Variants in IL4 observed in about 807,000 individuals in gnomAD.
IL4 encodes interleukin-4.
A neutral mutation model predicts 17.4 loss-of-function variants in IL4; 10 were observed. That is an observed-to-expected ratio of 0.57 (90% CI 0.35 to 0.97). IL4 has a LOEUF of 0.97. Among genes scored for constraint, IL4 ranks in the 50% least tolerant of loss-of-function variants. The probability of loss-of-function intolerance (pLI) is 0.01; values close to 1 mark genes in which losing one functional copy is unlikely to be tolerated. For missense variants in IL4, 174 were observed against 187.7 expected, an observed-to-expected ratio of 0.93 and a Z score of 0.43; for synonymous variants, 87 against 79.0, an observed-to-expected ratio of 1.10 and a Z score of -0.54.
intron 2 of IL4, 87 bp downstream of exon 2, chr5:132,674,593 A>G: frequency 9.3e-7 from 1 of 1,079,720 alleles, no homozygotes; most frequent in Non-Finnish European, 1.4e-6. Context: ...ATGGAAAACG[A>G]GCGGGCCCAA....
At chr5:132,678,322 A>C (rs1752421706) in intron 2 of IL4, among the ~76,000 whole-genome samples, 1 of 91,690 alleles carries the variant, frequency 1.1e-5, no homozygotes, top group South Asian at 3.1e-4. Flanking sequence ...GTATATGTAA[A>C]GAGTAAAGAA....
intron 3 of IL4, among the ~76,000 whole-genome samples, chr5:132,681,321 A>C (rs1248462018): frequency 6.6e-6 from 1 of 152,092 alleles, no homozygotes; most frequent in East Asian, 1.9e-4. Flanking sequence ...TCAAGGAGGG[A>C]GGGTTGACTG....
In IL4 at chr5:132,682,629, T is replaced by C. The variant is rs780599702; in HGVS notation, c.*42T>C. ...GTTTTTGATAGCTTTATTTTTTAAG[T>C]ATTTATATATTTATAACTCATCATA... On this transcript the variant is annotated 3_prime_UTR_variant, in exon 4 of 4. Coordinates refer to ENST00000231449, the MANE Select transcript of IL4 (RefSeq NM_000589.4). 1 of 930,648 alleles carries C rather than the reference T, an allele frequency of 1.1e-6. No homozygotes were observed. The highest frequency in any genetic ancestry group is 1.7e-6 in the Non-Finnish European group (1 of 604,268). The allele number at this position is 930,648 out of a possible 1,614,324, so 57.6% of individuals were successfully genotyped here.
At position 132,682,518 on chromosome 5, in the gene IL4, T is replaced by G. The variant is rs200011844; in HGVS notation, c.393T>G (p.Ser131Arg). 6.3e-5 allele frequency: 101 copies of G among 1,610,100 alleles called. No individual in the cohort carries two copies. The highest frequency in any genetic ancestry group is 8.3e-5 in the Non-Finnish European group (98 of 1,176,702). ...GTCCTGTGAAGGAAGCCAACCAGAG[T>G]ACGTTGGAAAACTTCTTGGAAAGGC... is the stretch of plus-strand genomic sequence containing the variant. ...NSCPVKEANQ[S>R]TLENFLERLK... is the part of the protein sequence containing the mutation. The change falls in exon 4 of 4, where the codon AGT (serine) becomes AGG (arginine). Residue 131 changes from serine to arginine, a missense_variant. By Grantham distance (110) the Ser-to-Arg change is moderately radical (BLOSUM62 -1). Transcript: ENST00000231449.
chr5:132,675,693 T>A (rs929222596), intron 2 of IL4, among the ~76,000 whole-genome samples: 2 of 151,690 alleles, frequency 1.3e-5, no homozygotes, highest in Non-Finnish European at 2.9e-5. Context: ...GGACGACAGG[T>A]GTGCACCACC....
intron 3 of IL4, among the ~76,000 whole-genome samples, chr5:132,681,355 GT>G (rs968834543): frequency 6.6e-6 from 1 of 152,208 alleles, no homozygotes; most frequent in African/African-American, 2.4e-5. Context: ...GAAAGGACAG[GT>G]CAGGTGAGGA....
chr5:132,676,142 A>G (rs1752380713), intron 2 of IL4, among the ~76,000 whole-genome samples: 2 of 151,938 alleles, frequency 1.3e-5, no homozygotes, highest in Non-Finnish European at 2.9e-5. Flanking sequence ...TGGAGGTAAG[A>G]CTGCCTGTGG....
intron 2 of IL4, among the ~76,000 whole-genome samples, chr5:132,678,611 C>A (rs1752427630): frequency 1.3e-5 from 2 of 152,110 alleles, no homozygotes. Context: ...CTGGGTGGGG[C>A]AGGGGTGGTC....
intron 2 of IL4, among the ~76,000 whole-genome samples, chr5:132,676,706 C>A (rs1032026782): frequency 9.9e-5 from 15 of 152,194 alleles, no homozygotes; most frequent in African/African-American, 3.4e-4. Flanking sequence ...TATTTCAGAA[C>A]AGTGAAATGT....
At position 132,680,033 on chromosome 5, in the gene IL4, TC is replaced by T; in HGVS notation, c.360+145del. 1 of 735,598 alleles carries T rather than the reference TC, an allele frequency of 1.4e-6. No homozygotes were observed. The highest frequency in any genetic ancestry group is 2.2e-6 in the Non-Finnish European group (1 of 457,194). 45.6% of individuals were successfully genotyped at this position (735,598 alleles called of 1,614,324 possible). The stretch of plus-strand genomic sequence containing the variant: ...TCATTCAATAAGTATTTGCTGAAGT[TC>T]CACAAGTGCTGGGTGTGGTTCTAGG... On this transcript the variant is annotated intron_variant, in intron 3 of 3. Transcript: ENST00000231449. This position sits in a 1 kb window ranked among gnomAD's most constrained non-coding sequence, Gnocchi z 4.3.
At chr5:132,676,364 G>A (rs773769686) in intron 2 of IL4, among the ~76,000 whole-genome samples, 18 of 152,192 alleles carry the variant, frequency 1.2e-4, no homozygotes, top group Non-Finnish European at 8.8e-5. Context: ...GCAGAGAAGC[G>A]ATGATTCTAA....
chr5:132,682,667 T>C lies in IL4; in HGVS notation c.*80T>C. On this transcript the variant is annotated 3_prime_UTR_variant, in exon 4 of 4. Coordinates refer to ENST00000231449, the MANE Select transcript of IL4 (RefSeq NM_000589.4). ...ATAACTCATCATAAAATAAAGTATA[T>C]ATAGAATCTAACAGCAATGGCATTT... The C allele has an allele frequency of 3.0e-6, 2 of 670,228 alleles. No individual in the cohort carries two copies. Among genetic ancestry groups the C allele is most frequent in the Non-Finnish European group, 4.9e-6 (2 of 409,156 alleles). 41.5% of individuals were successfully genotyped at this position (670,228 alleles called of 1,614,324 possible).
Position 132,679,716 on chromosome 5 carries a change from C to T in IL4, c.186C>T (p.Asn62=), listed in dbSNP as rs1752447662. ...TVTDIFAASK[N]TTEKETFCRA... is the part of the protein sequence containing the mutation. ...ATCTGTGGCATTTGTCTTTCCAGAA[C>T]ACAACTGAGAAGGAAACCTTCTGCA... Residue 62 remains asparagine (N), a splice_region_variant and synonymous_variant, in exon 3 of 4, where the codon AAC becomes AAT. Transcript: ENST00000231449. 1.2e-6 allele frequency: 2 copies of T among 1,611,216 alleles called. No homozygotes were observed. The highest frequency in any genetic ancestry group is 2.2e-5 in the East Asian group (1 of 44,856).
intron 2 of IL4, among the ~76,000 whole-genome samples, chr5:132,676,072 C>CTCTAA (rs1752379632): frequency 8.6e-5 from 13 of 151,748 alleles, no homozygotes; most frequent in Admixed American, 6.6e-4. Flanking sequence ...TCTAACAAAG[C>CTCTAA]CAAGGGAAGG....
chr5:132,682,543 C>A lies in IL4; in HGVS notation c.418C>A (p.Leu140Ile). 2 of 1,611,570 alleles carry A rather than the reference C, an allele frequency of 1.2e-6. No individual in the cohort carries two copies. The highest frequency in any genetic ancestry group is 1.7e-6 in the Non-Finnish European group (2 of 1,177,874). The part of the protein sequence containing the change: ...QSTLENFLER[L>I]KTIMREKYSK... ...TACGTTGGAAAACTTCTTGGAAAGG[C>A]TAAAGACGATCATGAGAGAGAAATA... The change falls in exon 4 of 4, where the codon CTA becomes ATA. Residue 140 changes from leucine to isoleucine, a missense_variant. Transcript: ENST00000231449.
chr5:132,681,854 TC>T (rs1382479498), intron 3 of IL4, among the ~76,000 whole-genome samples: 2 of 152,176 alleles, frequency 1.3e-5, no homozygotes, highest in African/African-American at 4.8e-5. Flanking sequence ...ACACATGTTC[TC>T]TCTTTTAATT....
rs1581045382 is a variant in IL4 at position 132,679,699 on chromosome 5, C to T, written c.184-15C>T. The T allele has an allele frequency of 2.5e-6, 4 of 1,598,870 alleles. No homozygotes were observed. Among genetic ancestry groups the T allele is most frequent in the East Asian group, 2.2e-5 (1 of 44,656 alleles). On this transcript the variant is annotated splice_polypyrimidine_tract_variant and intron_variant, in intron 2 of 3. Coordinates refer to ENST00000231449, the MANE Select transcript of IL4 (RefSeq NM_000589.4). ...GGAGCTGGCACATTGCTATCTGTGG[C>T]ATTTGTCTTTCCAGAACACAACTGA...
intron 2 of IL4, among the ~76,000 whole-genome samples, chr5:132,676,226 A>T (rs1027429827): frequency 6.6e-6 from 1 of 152,148 alleles, no homozygotes; most frequent in East Asian, 1.9e-4. Flanking sequence ...TCTGCACCTC[A>T]GTTTCCACAT....
Position 132,677,143 on chromosome 5 carries a change from G to A in IL4, c.184-2571G>A, listed in dbSNP as rs182086480. On this transcript the variant is annotated intron_variant, in intron 2 of 3. Coordinates refer to ENST00000231449, the MANE Select transcript of IL4 (RefSeq NM_000589.4). ...GAGTTTCTCATATACAGCACTAGCT[G>A]ACTATCCTGGGCAGGATGGGAGATA... is the stretch of plus-strand genomic sequence containing the variant. 9.6e-4 allele frequency among the ~76,000 whole-genome samples: 146 copies of A among 152,344 alleles called. 1 individual carries two copies. The highest frequency in any genetic ancestry group is 3.4e-3 in the Middle Eastern group (1 of 294).
Sources: allele counts gnomAD v4.1 joint callset (sites outside exome capture counted in the v4.1 genomes callset), GRCh38; gene constraint gnomAD v4.1.1; non-coding constraint Gnocchi (gnomAD v3.1); transcripts MANE v1.5; gene names NCBI Gene and HGNC (gene_info 2026-07-23, HGNC 2026-07-21).